The following UVRAG variants were observed in gnomAD, a reference collection of about 807,000 sequenced individuals.
UVRAG encodes the protein UV radiation resistance-associated gene protein.
UVRAG carries 19 observed loss-of-function variants against 78.0 expected under a neutral mutation model. The ratio of observed to expected loss-of-function variants is 0.24; its 90% confidence interval spans 0.17 to 0.36. The LOEUF (loss-of-function observed/expected upper bound fraction) is 0.36, where lower values mean the gene tolerates loss of function less well. UVRAG is among the 10% of genes least tolerant of loss of function. The pLI is 1.00. For synonymous variants in UVRAG, 323 were observed against 324.6 expected (o/e 1.00, Z 0.05); for missense variants, 740 against 853.8 (o/e 0.87, Z 1.66).
At chr11:75,856,251 C>T (rs1013187102) in intron 2 of UVRAG, among the ~76,000 whole-genome samples, 14 of 152,176 alleles carry the variant, frequency 9.2e-5, no homozygotes, top group African/African-American at 2.9e-4. Flanking sequence ...GATCCGCCTG[C>T]CTCGGCCTCC....
intron 8 of UVRAG, among the ~76,000 whole-genome samples, chr11:75,998,949 T>C (rs1398495544): frequency 6.6e-6 from 1 of 152,270 alleles, no homozygotes; most frequent in Middle Eastern, 3.4e-3. Context: ...TTGAATATGA[T>C]GGTCTGGGGT....
chr11:75,939,683 T>G (rs533706133), intron 6 of UVRAG, among the ~76,000 whole-genome samples: 1 of 152,238 alleles, frequency 6.6e-6, no homozygotes, highest in South Asian at 2.1e-4. Context: ...ATTAAAAGGC[T>G]TGGGAGGCAT....
At chr11:75,857,568 C>A (rs1428875788) in intron 2 of UVRAG, among the ~76,000 whole-genome samples, 1 of 151,272 alleles carries the variant, frequency 6.6e-6, no homozygotes, top group East Asian at 2.0e-4. Flanking sequence ...CAGCTCACTG[C>A]AGCCTCTACC....
chr11:75,894,802 C>CAAAA (rs375833755), intron 5 of UVRAG, among the ~76,000 whole-genome samples: 7 of 60,166 alleles, frequency 1.2e-4, no homozygotes, highest in Admixed American at 2.0e-4. Flanking sequence ...CCGTCTCTAC[C>CAAAA]AAAAAAAAAA....
intron 13 of UVRAG, among the ~76,000 whole-genome samples, chr11:76,112,391 AG>A (rs1403777145): frequency 6.6e-6 from 1 of 152,222 alleles, no homozygotes; most frequent in East Asian, 1.9e-4. Flanking sequence ...TCAAATATTC[AG>A]GGTGTCATGA....
At chr11:76,003,380 C>A (rs1162102144) in intron 8 of UVRAG, among the ~76,000 whole-genome samples, 1 of 143,772 alleles carries the variant, frequency 7.0e-6, no homozygotes, top group Non-Finnish European at 1.5e-5. Flanking sequence ...CAAGCGATTT[C>A]CAGCTAATTT....
chr11:76,139,364 G>A (rs1952661064), intron 14 of UVRAG, among the ~76,000 whole-genome samples: 1 of 152,192 alleles, frequency 6.6e-6, no homozygotes, highest in African/African-American at 2.4e-5. Context: ...TTTGAATAAT[G>A]AGGGATGTCT....
At chr11:75,830,811 T>A (rs1945639169) in intron 1 of UVRAG, among the ~76,000 whole-genome samples, 1 of 152,256 alleles carries the variant, frequency 6.6e-6, no homozygotes, top group Non-Finnish European at 1.5e-5. Context: ...TGTTCAGCTC[T>A]GTTCTACAAC....
intron 12 of UVRAG, among the ~76,000 whole-genome samples, chr11:76,027,552 G>A (rs1435268966): frequency 6.6e-6 from 1 of 151,938 alleles, no homozygotes; most frequent in Non-Finnish European, 1.5e-5. Context: ...AGTGACTGTG[G>A]CAATGTTCTC....
rs184784584 is a variant in UVRAG at position 76,144,006 on chromosome 11, T to C, written c.*2593T>C. On this transcript the variant is annotated 3_prime_UTR_variant, in exon 15 of 15. Coordinates refer to ENST00000356136, the MANE Select transcript of UVRAG (RefSeq NM_003369.4). ...TCTCTTCACTTCCCCTTAACCACTTTAGAAATTCCAGAGATTTTTTTCCCC... is the reference window on the plus strand; with the variant it reads ...TCTCTTCACTTCCCCTTAACCACTTCAGAAATTCCAGAGATTTTTTTCCCC... Among the ~76,000 whole-genome samples the C allele has an allele frequency of 8.5e-5, 13 of 152,336 alleles. No individual in the cohort carries two copies. The highest frequency in any genetic ancestry group is 3.1e-4 in the African/African-American group (13 of 41,586).
chr11:76,053,731 G>A (rs1371328627), intron 12 of UVRAG, among the ~76,000 whole-genome samples: 1 of 152,072 alleles, frequency 6.6e-6, no homozygotes, highest in African/African-American at 2.4e-5. Context: ...CAGAACTTTG[G>A]GAGGCCAAAG....
At chr11:75,868,197 C>A (rs1946575579) in intron 3 of UVRAG, among the ~76,000 whole-genome samples, 1 of 152,048 alleles carries the variant, frequency 6.6e-6, no homozygotes, top group Admixed American at 6.5e-5. Context: ...AGACGCCTGA[C>A]AGAAGTGAGG....
chr11:76,050,413 G>A (rs1245893399), intron 12 of UVRAG, among the ~76,000 whole-genome samples: 2 of 151,980 alleles, frequency 1.3e-5, no homozygotes, highest in East Asian at 3.9e-4. Flanking sequence ...TCATTCATTT[G>A]CAGATATTTG....
intron 7 of UVRAG, among the ~76,000 whole-genome samples, chr11:75,969,232 T>C (rs1949081849): frequency 6.6e-6 from 1 of 152,228 alleles, no homozygotes; most frequent in South Asian, 2.1e-4. Context: ...ATAAGTGAAA[T>C]CATGCAGTGT....
At chr11:75,827,180 C>G (rs1465790947) in intron 1 of UVRAG, among the ~76,000 whole-genome samples, 1 of 149,514 alleles carries the variant, frequency 6.7e-6, no homozygotes, top group Non-Finnish European at 1.5e-5. Flanking sequence ...TAAAAGTAAA[C>G]ATGAGAATCA....
chr11:75,887,405 G>T (rs1402399719), intron 4 of UVRAG, among the ~76,000 whole-genome samples: 1 of 144,474 alleles, frequency 6.9e-6, no homozygotes, highest in African/African-American at 2.6e-5. Context: ...TTGGCCTCCC[G>T]AAGTGCTGGG....
At chr11:75,888,182 G>T (rs1322403484) in intron 4 of UVRAG, among the ~76,000 whole-genome samples, 1 of 151,958 alleles carries the variant, frequency 6.6e-6, no homozygotes, top group Non-Finnish European at 1.5e-5. Context: ...CACCCATGCT[G>T]GAGTGCAGTG....
At chr11:75,991,351 A>G (rs78261574) in intron 8 of UVRAG, among the ~76,000 whole-genome samples, 2,670 of 152,256 alleles carry the variant, frequency 0.018, 30 homozygotes, top group Non-Finnish European at 0.029. Context: ...CTTTTTTAAG[A>G]TCATTAACTT....
At chr11:75,891,819 C>T (rs1019572832) in intron 5 of UVRAG, among the ~76,000 whole-genome samples, 8 of 151,776 alleles carry the variant, frequency 5.3e-5, no homozygotes, top group East Asian at 1.9e-4. Flanking sequence ...GGGGCTGAGG[C>T]GGGAGGATTG....
Sources: gnomAD v4.1 joint callset for allele counts (sites outside exome capture counted in the v4.1 genomes callset) on GRCh38, gnomAD v4.1.1 for gene constraint, MANE v1.5 for transcripts, NCBI Gene and HGNC (gene_info 2026-07-23, HGNC 2026-07-21) for gene names.